The following PCDHA10 variants were observed in gnomAD, a reference collection of about 807,000 sequenced individuals.
PCDHA10 encodes protocadherin alpha 10.
Under a neutral mutation model 61.2 loss-of-function variants are expected in PCDHA10, and 45 were observed. That is an observed-to-expected ratio of 0.74 (90% CI 0.58 to 0.94). PCDHA10 has a LOEUF of 0.94. Among genes scored for constraint, PCDHA10 ranks in the 40% least tolerant of loss-of-function variants. The pLI is 0.00. For missense variants in PCDHA10, 1,278 were observed against 1,236.2 expected, an observed-to-expected ratio of 1.03 and a Z score of -0.51; for synonymous variants, 602 against 548.8, an observed-to-expected ratio of 1.10 and a Z score of -1.35.
At chr5:140,883,003 C>A in intron 1 of PCDHA10, 5 of 1,614,050 alleles carry the variant, frequency 3.1e-6, no homozygotes, top group Non-Finnish European at 4.2e-6. Flanking sequence ...TTTACCAATC[C>A]GTTTATAAAG....
intron 1 of PCDHA10, among the ~76,000 whole-genome samples, chr5:140,885,376 G>T (rs1242393742): frequency 6.6e-6 from 1 of 152,032 alleles, no homozygotes; most frequent in Non-Finnish European, 1.5e-5. Context: ...AGTACCTTTT[G>T]GCAGTCCCTG....
rs149265547 is a variant in PCDHA10 at position 140,927,771 on chromosome 5, G to T, written c.2389-51178G>T. On this transcript the variant is annotated intron_variant, in intron 1 of 3. Coordinates refer to ENST00000307360, the MANE Select transcript of PCDHA10 (RefSeq NM_018901.4). Reference sequence around the variant, plus strand: ...ACGTGCACCCTAAAAGTGGGGAGGTGCAAGTAGCTGCTTCACTAGGTCCGC... The same window carrying T: ...ACGTGCACCCTAAAAGTGGGGAGGTTCAAGTAGCTGCTTCACTAGGTCCGC... The T allele has an allele frequency of 4.2e-4, 677 of 1,614,210 alleles. 4 individuals carry two copies. In the African/African-American group the frequency reaches 7.5e-3, roughly 18 times the overall value.
intron 1 of PCDHA10, among the ~76,000 whole-genome samples, chr5:140,974,875 A>G (rs934874769): frequency 1.6e-4 from 24 of 152,174 alleles, no homozygotes; most frequent in Non-Finnish European, 1.9e-4. Context: ...GGAACAGTCT[A>G]TGTATCCCTT....
intron 1 of PCDHA10, chr5:140,875,959 G>A: frequency 1.2e-6 from 2 of 1,614,070 alleles, no homozygotes; most frequent in South Asian, 1.1e-5. Flanking sequence ...TGCGGATATC[G>A]GCGTAAACTC....
At chr5:140,877,172 C>A (rs371577720) in intron 1 of PCDHA10, 1 of 1,613,818 alleles carries the variant, frequency 6.2e-7, no homozygotes. Flanking sequence ...GCACTGCTGG[C>A]GACTCCGGCT....
At chr5:140,895,897 C>T (rs994708254) in intron 1 of PCDHA10, among the ~76,000 whole-genome samples, 25 of 152,240 alleles carry the variant, frequency 1.6e-4, no homozygotes, top group African/African-American at 5.3e-4. Flanking sequence ...CTGCAACCTC[C>T]GCGTCCCGGG....
chr5:140,952,072 A>G (rs1433517410), intron 1 of PCDHA10, among the ~76,000 whole-genome samples: 1 of 152,112 alleles, frequency 6.6e-6, no homozygotes, highest in Non-Finnish European at 1.5e-5. Context: ...AATAATCTTC[A>G]TTGACTCCAT....
At chr5:140,921,428 T>G (rs1291283426) in intron 1 of PCDHA10, among the ~76,000 whole-genome samples, 1 of 152,190 alleles carries the variant, frequency 6.6e-6, no homozygotes, top group Non-Finnish European at 1.5e-5. Context: ...GACAAAAATT[T>G]TCTTCAATGG....
At chr5:140,941,194 TCTTTCTTCC>T (rs781813612) in intron 1 of PCDHA10, among the ~76,000 whole-genome samples, 93 of 112,424 alleles carry the variant, frequency 8.3e-4, no homozygotes, top group South Asian at 2.2e-3. Flanking sequence ...TCTTTTTTTT[TCTTTCTTCC>T]TTTCTTTCTT....
intron 1 of PCDHA10, among the ~76,000 whole-genome samples, chr5:140,960,397 G>C (rs1322659184): frequency 6.6e-6 from 1 of 152,102 alleles, no homozygotes; most frequent in African/African-American, 2.4e-5. Flanking sequence ...AGGATGCAAG[G>C]GGGGGTGCCC....
chr5:140,888,275 G>A (rs974764035), intron 1 of PCDHA10, among the ~76,000 whole-genome samples: 1 of 152,056 alleles, frequency 6.6e-6, no homozygotes, highest in African/African-American at 2.4e-5. Context: ...AAACAGTTTT[G>A]TCCCCTCTAC....
At chr5:140,888,277 C>G (rs923275306) in intron 1 of PCDHA10, among the ~76,000 whole-genome samples, 1 of 151,972 alleles carries the variant, frequency 6.6e-6, no homozygotes, top group Non-Finnish European at 1.5e-5. Context: ...ACAGTTTTGT[C>G]CCCTCTACCC....
chr5:140,870,956 G>T (rs1554164932), intron 1 of PCDHA10: 2 of 1,613,520 alleles, frequency 1.2e-6, no homozygotes, highest in East Asian at 2.2e-5. Flanking sequence ...GGCGGCTCGC[G>T]CATCCCGTTC....
intron 1 of PCDHA10, among the ~76,000 whole-genome samples, chr5:140,941,615 C>T (rs2093129027): frequency 6.6e-6 from 1 of 151,970 alleles, no homozygotes; most frequent in African/African-American, 2.4e-5. Context: ...GTGCCCAGCC[C>T]ATCCTGCTTC....
chr5:140,882,374 C>G, intron 1 of PCDHA10: 1 of 1,614,186 alleles, frequency 6.2e-7, no homozygotes, highest in Non-Finnish European at 8.5e-7. Context: ...CTACTCCGTC[C>G]CCGAGGAAGC....
At chr5:140,860,700 G>C (rs573827394) in intron 1 of PCDHA10, 1 of 152,300 alleles carries the variant, frequency 6.6e-6, no homozygotes, top group South Asian at 2.1e-4. Flanking sequence ...ACAGGATATT[G>C]TTGTTCTCCA....
chr5:140,863,356 CGGT>C, intron 1 of PCDHA10: 1 of 1,255,142 alleles, frequency 8.0e-7, no homozygotes, highest in Non-Finnish European at 1.1e-6. Flanking sequence ...CACGACGCTG[CGGT>C]GCTTGGCGCA....
chr5:140,971,386 G>A (rs1413710321), intron 1 of PCDHA10, among the ~76,000 whole-genome samples: 1 of 152,140 alleles, frequency 6.6e-6, no homozygotes, highest in East Asian at 1.9e-4. Flanking sequence ...CTTTAATAAA[G>A]GCAAATTTCT....
At chr5:140,899,713 T>G (rs1336302647) in intron 1 of PCDHA10, among the ~76,000 whole-genome samples, 1 of 152,210 alleles carries the variant, frequency 6.6e-6, no homozygotes, top group Non-Finnish European at 1.5e-5. Context: ...TTAGGGAGGA[T>G]TCCCTCTTTT....
Sources: allele counts gnomAD v4.1 joint callset (sites outside exome capture counted in the v4.1 genomes callset), GRCh38; gene constraint gnomAD v4.1.1; transcripts MANE v1.5; gene names NCBI Gene and HGNC (gene_info 2026-07-23, HGNC 2026-07-21).